The following CHRM3 variants were observed in gnomAD, a reference collection of about 807,000 sequenced individuals.
CHRM3 encodes muscarinic acetylcholine receptor M3.
CHRM3 carries 11 observed loss-of-function variants against 41.8 expected under a neutral mutation model. That is an observed-to-expected ratio of 0.26 (90% CI 0.17 to 0.44). The LOEUF (loss-of-function observed/expected upper bound fraction) is 0.44, where lower values mean the gene tolerates loss of function less well. Among genes scored for constraint, CHRM3 ranks in the 20% least tolerant of loss-of-function variants. The pLI is 1.00. For synonymous variants in CHRM3, 297 were observed against 301.4 expected, an observed-to-expected ratio of 0.99 and a Z score of 0.15; for missense variants, 571 against 745.4, an observed-to-expected ratio of 0.77 and a Z score of 2.72.
At chr1:239,572,920 G>A (rs188750371) in intron 3 of CHRM3, among the ~76,000 whole-genome samples, 182 of 152,156 alleles carry the variant, frequency 1.2e-3, no homozygotes, top group Non-Finnish European at 3.4e-4. Flanking sequence ...TTTATATCCC[G>A]CTTAGAATTT....
intron 4 of CHRM3, among the ~76,000 whole-genome samples, chr1:239,638,481 T>G (rs568448715): frequency 6.6e-6 from 1 of 152,208 alleles, no homozygotes; most frequent in Non-Finnish European, 1.5e-5. Context: ...GTTATCTCAT[T>G]GTGGTTTTGA....
rs373126244 is a variant in CHRM3 at position 239,534,242 on chromosome 1, C to T, written c.-421-11399C>T. Among the ~76,000 whole-genome samples, 13 of 152,292 alleles carry T rather than the reference C, an allele frequency of 8.5e-5. No homozygotes were observed. The East Asian group carries it at 1.5e-3, about 18-fold the overall frequency. ...ACTTGGGAAACAGGCACAAGAATTG[C>T]TTGAACCCGGGAGGCAGAAGTTGCA... is the stretch of plus-strand genomic sequence containing the variant. On this transcript the variant is annotated intron_variant, in intron 2 of 6. Transcript: ENST00000676153.
chr1:239,449,654 G>A (rs1340368179), intron 1 of CHRM3, among the ~76,000 whole-genome samples: 2 of 152,004 alleles, frequency 1.3e-5, no homozygotes, highest in African/African-American at 4.8e-5. Context: ...TAAGATAATA[G>A]TTAATTACAG....
chr1:239,794,017 T>A (rs1488653098), intron 5 of CHRM3, among the ~76,000 whole-genome samples: 1 of 151,924 alleles, frequency 6.6e-6, no homozygotes, highest in Non-Finnish European at 1.5e-5. Context: ...TGTTGCCCTG[T>A]TGCCCAGGCT....
chr1:239,797,279 T>C (rs1324053379), intron 5 of CHRM3, among the ~76,000 whole-genome samples: 2 of 151,958 alleles, frequency 1.3e-5, no homozygotes, highest in African/African-American at 2.4e-5. Flanking sequence ...ATGAGTTCCA[T>C]AGAAGCCCAA....
chr1:239,761,079 C>G (rs1259016268), intron 5 of CHRM3, among the ~76,000 whole-genome samples: 5 of 151,978 alleles, frequency 3.3e-5, no homozygotes, highest in East Asian at 1.9e-4. Context: ...TCATTTCTTT[C>G]TGGTCTTTTT....
At chr1:239,405,687 T>C (rs1660538830) in intron 1 of CHRM3, among the ~76,000 whole-genome samples, 3 of 152,180 alleles carry the variant, frequency 2.0e-5, no homozygotes, top group African/African-American at 7.2e-5. Flanking sequence ...TGCATTTGTG[T>C]GTCCAATGAG....
chr1:239,549,519 GGT>G, intron 3 of CHRM3, among the ~76,000 whole-genome samples: 1 of 150,782 alleles, frequency 6.6e-6, no homozygotes, highest in Non-Finnish European at 1.5e-5. Flanking sequence ...AAAATAGCCA[GGT>G]GTGGTGGCAC....
chr1:239,882,812 G>GAA lies in CHRM3; in HGVS notation c.-19-24620_-19-24619insAA, dbSNP rs1265400669. ...ACAGGCCCTGAGCTGCTAGAAAGCA[G>GAA]AGTCTCTGCAGCCCCTAAGGCAGGG... On this transcript the variant is annotated intron_variant, in intron 6 of 6. Coordinates refer to ENST00000676153, the MANE Select transcript of CHRM3 (RefSeq NM_001375978.1). 2.0e-5 allele frequency among the ~76,000 whole-genome samples: 3 copies of GAA among 152,254 alleles called. No homozygotes were observed. In the East Asian group the frequency reaches 5.8e-4, roughly 29 times the overall value.
Position 239,593,491 on chromosome 1 carries a change from A to C in CHRM3, c.-312-38733A>C, listed in dbSNP as rs77825158. Among the ~76,000 whole-genome samples the C allele has an allele frequency of 3.0e-4, 3 of 10,040 alleles. No homozygotes were observed. The Non-Finnish European group carries it at 7.8e-3, about 26-fold the overall frequency. The allele number at this position is 10,040 out of a possible 152,430, so 6.6% of individuals were successfully genotyped here. A position where few individuals can be genotyped will look rare whatever the true frequency, so the allele number is the denominator to read the frequency against. On this transcript the variant is annotated intron_variant, in intron 3 of 6. Transcript: ENST00000676153. ...TAGACCATTTCTTTTTAAAAAAAAA[A>C]AACTCAAATATTTTATTTCATTTGT...
chr1:239,618,845 A>ATC (rs1668027850), intron 3 of CHRM3, among the ~76,000 whole-genome samples: 1 of 84,622 alleles, frequency 1.2e-5, no homozygotes, highest in Non-Finnish European at 2.7e-5. Context: ...CTCTGTCAGA[A>ATC]AAAAAAAAAA....
intron 3 of CHRM3, among the ~76,000 whole-genome samples, chr1:239,559,018 G>T (rs1376712367): frequency 6.6e-6 from 1 of 152,128 alleles, no homozygotes; most frequent in African/African-American, 2.4e-5. Flanking sequence ...AAAACATCTA[G>T]GGTATCTGCC....
At chr1:239,663,490 G>A (rs1191104538) in intron 4 of CHRM3, among the ~76,000 whole-genome samples, 2 of 152,160 alleles carry the variant, frequency 1.3e-5, no homozygotes, top group African/African-American at 4.8e-5. Context: ...GAGTCGATGG[G>A]ATGGAGTCCT....
chr1:239,718,884 T>G (rs1662656844), intron 5 of CHRM3: 2 of 151,974 alleles, frequency 1.3e-5, no homozygotes, highest in Non-Finnish European at 2.9e-5. Context: ...TAACTAACAG[T>G]ACATCTTTTT....
intron 3 of CHRM3, among the ~76,000 whole-genome samples, chr1:239,550,143 T>C (rs565954504): frequency 4.6e-5 from 7 of 152,194 alleles, no homozygotes; most frequent in African/African-American, 1.4e-4. Context: ...GCAGCAAGCC[T>C]TACCTGCGTG....
At chr1:239,699,407 C>A (rs538327092) in intron 5 of CHRM3, among the ~76,000 whole-genome samples, 1 of 152,070 alleles carries the variant, frequency 6.6e-6, no homozygotes, top group Non-Finnish European at 1.5e-5. Flanking sequence ...CTCTCTTTGT[C>A]TTTTCCTTCA....
At chr1:239,538,370 C>A (rs1172047112) in intron 2 of CHRM3, among the ~76,000 whole-genome samples, 5 of 152,132 alleles carry the variant, frequency 3.3e-5, no homozygotes, top group Admixed American at 3.3e-4. Flanking sequence ...CTTTTGACCT[C>A]CTCTCTGCAT....
At chr1:239,673,145 G>A (rs1259259244) in intron 4 of CHRM3, among the ~76,000 whole-genome samples, 1 of 152,124 alleles carries the variant, frequency 6.6e-6, no homozygotes, top group Non-Finnish European at 1.5e-5. Flanking sequence ...TCTGGGCCAT[G>A]GCCTGATGCC....
At chr1:239,472,865 G>A (rs1282467381) in intron 1 of CHRM3, among the ~76,000 whole-genome samples, 1 of 152,030 alleles carries the variant, frequency 6.6e-6, no homozygotes, top group African/African-American at 2.4e-5. Context: ...TATCCTGCAC[G>A]TGTACCCCAG....
Sources: gnomAD v4.1 joint callset for allele counts (sites outside exome capture counted in the v4.1 genomes callset) on GRCh38, gnomAD v4.1.1 for gene constraint, MANE v1.5 for transcripts, NCBI Gene and HGNC (gene_info 2026-07-23, HGNC 2026-07-21) for gene names.